The following GMEB1 variants were observed in gnomAD, a reference collection of about 807,000 sequenced individuals.
GMEB1 encodes glucocorticoid modulatory element binding protein 1.
A neutral mutation model predicts 52.4 loss-of-function variants in GMEB1; 6 were observed. The observed-to-expected ratio is 0.11, with a 90% confidence interval of 0.06 to 0.23. The LOEUF is 0.23. Ranked by LOEUF, GMEB1 falls within the 10% of genes least tolerant of loss-of-function variation. The probability of loss-of-function intolerance (pLI) is 1.00; values close to 1 mark genes in which losing one functional copy is unlikely to be tolerated. For missense variants in GMEB1, 486 were observed against 685.6 expected, an observed-to-expected ratio of 0.71 and a Z score of 3.25; for synonymous variants, 255 against 244.9, an observed-to-expected ratio of 1.04 and a Z score of -0.38.
rs369966949 is a variant in GMEB1, at chr1:28,710,512, T to C, written c.869-8T>C. The C allele has an allele frequency of 3.1e-6, 5 of 1,595,186 alleles. No individual in the cohort carries two copies. The African/African-American group carries it at 6.7e-5, about 21-fold the overall frequency. On this transcript the variant is annotated splice_region_variant and splice_polypyrimidine_tract_variant and intron_variant, in intron 8 of 9. Transcript: ENST00000373816. ...TAACTGGACAGGCATGTCTTTTGTT[T>C]TAAATAGATGCTGCTGTTCTCAACA...
At chr1:28,669,658 G>T (rs1668793669) in intron 1 of GMEB1, among the ~76,000 whole-genome samples, 1 of 152,120 alleles carries the variant, frequency 6.6e-6, no homozygotes, top group Non-Finnish European at 1.5e-5. Flanking sequence ...AAGTACGAAA[G>T]AGCAGCGTCC....
At chr1:28,686,670 T>A (rs1334075968) in intron 2 of GMEB1, among the ~76,000 whole-genome samples, 1 of 148,536 alleles carries the variant, frequency 6.7e-6, no homozygotes, top group East Asian at 2.0e-4. Flanking sequence ...TACATGAGAA[T>A]GTATTCTTTT....
At chr1:28,679,395 C>T (rs1249859521) in intron 1 of GMEB1, among the ~76,000 whole-genome samples, 1 of 152,022 alleles carries the variant, frequency 6.6e-6, no homozygotes, top group Non-Finnish European at 1.5e-5. Flanking sequence ...CCAAGGTGGT[C>T]TCGAACTCCT....
intron 1 of GMEB1, 54 bp downstream of exon 1, chr1:28,668,893 G>A (rs1463325591): frequency 1.4e-5 from 2 of 144,600 alleles, no homozygotes; most frequent in South Asian, 4.2e-4. Context: ...GGGGCGGGGG[G>A]GCGGGCGCGG....
chr1:28,705,249 T>C (rs888164293), intron 8 of GMEB1, among the ~76,000 whole-genome samples: 1 of 150,380 alleles, frequency 6.6e-6, no homozygotes, highest in Non-Finnish European at 1.5e-5. Context: ...AAAAAAAAAT[T>C]AGCTGGGTAT....
chr1:28,705,939 G>A (rs1366463861), intron 8 of GMEB1, among the ~76,000 whole-genome samples: 1 of 150,482 alleles, frequency 6.6e-6, no homozygotes, highest in Non-Finnish European at 1.5e-5. Flanking sequence ...CGGATCACGA[G>A]GTCAGGAGAT....
intron 1 of GMEB1, among the ~76,000 whole-genome samples, chr1:28,673,936 A>T (rs1400835802): frequency 6.6e-6 from 1 of 151,994 alleles, no homozygotes; most frequent in Non-Finnish European, 1.5e-5. Context: ...TCACGAGGTC[A>T]GGAGTTCAAG....
rs1668726705 is a variant in GMEB1, at chr1:28,668,820, C to T, written c.-50C>T. On this transcript the variant is annotated 5_prime_UTR_variant, in exon 1 of 10. Transcript: ENST00000373816. The stretch of plus-strand genomic sequence containing the variant: ...CCTGCCCGCCCTGGCCGCTCGCCGC[C>T]CGCCCGCCCGACGGAGACGGTGAGG... The T allele has an allele frequency of 6.7e-6, 1 of 148,198 alleles. No individual in the cohort carries two copies. The highest frequency in any genetic ancestry group is 1.5e-5 in the Non-Finnish European group (1 of 66,660). The allele number at this position is 148,198 out of a possible 1,614,324, so 9.2% of individuals were successfully genotyped here. A position where few individuals can be genotyped will look rare whatever the true frequency, so the allele number is the denominator to read the frequency against.
intron 1 of GMEB1, among the ~76,000 whole-genome samples, chr1:28,679,702 C>T (rs1669309484): frequency 6.6e-6 from 1 of 151,932 alleles, no homozygotes; most frequent in African/African-American, 2.4e-5. Context: ...AATGATGAGC[C>T]ATAAGCTGTA....
intron 8 of GMEB1, among the ~76,000 whole-genome samples, chr1:28,707,898 C>G (rs947561953): frequency 2.6e-5 from 4 of 151,112 alleles, no homozygotes; most frequent in Non-Finnish European, 2.9e-5. Flanking sequence ...CAAATACTGA[C>G]AATTTTTTTT....
chr1:28,673,084 G>A (rs756113492), intron 1 of GMEB1, among the ~76,000 whole-genome samples: 1 of 152,024 alleles, frequency 6.6e-6, no homozygotes, highest in African/African-American at 2.4e-5. Flanking sequence ...TAGTAGAGAC[G>A]TGGTTTCTCC....
At chr1:28,680,674 G>T (rs1270279675) in intron 1 of GMEB1, among the ~76,000 whole-genome samples, 1 of 151,734 alleles carries the variant, frequency 6.6e-6, no homozygotes, top group Non-Finnish European at 1.5e-5. Context: ...AAGGGAGGTG[G>T]TAGTGAGCTG....
intron 1 of GMEB1, among the ~76,000 whole-genome samples, chr1:28,674,640 C>A (rs1669057165): frequency 6.6e-6 from 1 of 151,162 alleles, no homozygotes; most frequent in Non-Finnish European, 1.5e-5. Context: ...GGTGATCTGA[C>A]TGCCTGGTCC....
At chr1:28,708,352 G>A (rs1670877876) in intron 8 of GMEB1, among the ~76,000 whole-genome samples, 1 of 151,906 alleles carries the variant, frequency 6.6e-6, no homozygotes, top group South Asian at 2.1e-4. Flanking sequence ...TTTTAGTAGA[G>A]GCGGGGTTTC....
At chr1:28,689,473 A>C (rs1409506141) in intron 2 of GMEB1, among the ~76,000 whole-genome samples, 2 of 152,088 alleles carry the variant, frequency 1.3e-5, no homozygotes, top group Non-Finnish European at 2.9e-5. Context: ...GAAAATACAA[A>C]AAAAATTTAG....
chr1:28,692,579 GATAAAA>G (rs2124517474), intron 4 of GMEB1, among the ~76,000 whole-genome samples: 1 of 151,942 alleles, frequency 6.6e-6, no homozygotes, highest in African/African-American at 2.4e-5. Flanking sequence ...ATACATGATT[GATAAAA>G]ATAGAATTGC....
intron 2 of GMEB1, among the ~76,000 whole-genome samples, chr1:28,685,923 C>T (rs1183376608): frequency 6.6e-6 from 1 of 152,114 alleles, no homozygotes; most frequent in East Asian, 1.9e-4. Flanking sequence ...TGTGCCATTG[C>T]ACTCCAGCTT....
chr1:28,680,693 C>G (rs1482551773), intron 1 of GMEB1, among the ~76,000 whole-genome samples: 1 of 151,562 alleles, frequency 6.6e-6, no homozygotes, highest in Non-Finnish European at 1.5e-5. Flanking sequence ...TGAGATCATG[C>G]CACTGCACTC....
intron 1 of GMEB1, among the ~76,000 whole-genome samples, chr1:28,677,608 G>A (rs894748944): frequency 2.6e-5 from 4 of 152,204 alleles, no homozygotes; most frequent in Admixed American, 6.5e-5. Flanking sequence ...ATAGCACGGT[G>A]CTTGACAATG....
Sources: allele counts gnomAD v4.1 joint callset (sites outside exome capture counted in the v4.1 genomes callset), GRCh38; gene constraint gnomAD v4.1.1; transcripts MANE v1.5; gene names NCBI Gene and HGNC (gene_info 2026-07-23, HGNC 2026-07-21).